Variants in CALD1 observed in about 807,000 individuals in gnomAD.
CALD1 encodes the protein caldesmon 1, also known as caldesmon.
In CALD1, 33 loss-of-function variants were observed where a neutral mutation model predicts 99.9. The ratio of observed to expected loss-of-function variants is 0.33; its 90% CI spans 0.25 to 0.44. The LOEUF (loss-of-function observed/expected upper bound fraction) is 0.44. Among genes scored for constraint, CALD1 ranks in the 20% least tolerant of loss-of-function variants. CALD1 has a pLI of 1.00. For synonymous variants in CALD1, 310 were observed against 325.0 expected (o/e 0.95, Z 0.50); for missense variants, 861 against 962.1 (o/e 0.89, Z 1.39).
chr7:134,928,428 CAAAAAAAAAAAAA>C (rs11355152), intron 3 of CALD1, among the ~76,000 whole-genome samples: 4 of 55,658 alleles, frequency 7.2e-5, no homozygotes, highest in African/African-American at 2.2e-4. Context: ...GACTGGGTCT[CAAAAAAAAAAAAA>C]AAAAAAAAAA....
chr7:134,771,259 C>T (rs1393080463), intron 1 of CALD1, among the ~76,000 whole-genome samples: 2 of 152,154 alleles, frequency 1.3e-5, no homozygotes, highest in African/African-American at 4.8e-5. Flanking sequence ...TTTCTGAACA[C>T]CAGATTTGCA....
intron 1 of CALD1, among the ~76,000 whole-genome samples, chr7:134,754,965 TTACTC>T (rs1335315845): frequency 2.6e-5 from 4 of 151,638 alleles, no homozygotes; most frequent in African/African-American, 4.8e-5. Context: ...CCATTTTACA[TTACTC>T]TACTCAACAC....
intron 2 of CALD1, among the ~76,000 whole-genome samples, chr7:134,845,785 A>G (rs1586092248): frequency 6.6e-6 from 1 of 152,208 alleles, no homozygotes; most frequent in Non-Finnish European, 1.5e-5. Flanking sequence ...GAAATTGTGT[A>G]TGGAAATTTT....
rs71172475 is a variant in CALD1, at chr7:134,766,141, C to CTT, written c.-130+21805_-130+21806dup. On this transcript the variant is annotated intron_variant, in intron 1 of 13. Coordinates refer to the CALD1 transcript ENST00000417172. ...GAGCCCCTTAAACCTCTTTTCTTTTCTTTTTTTTTTTTTTTTTTTTTTTTT... is the reference window on the plus strand; with the variant it reads ...GAGCCCCTTAAACCTCTTTTCTTTTCTTTTTTTTTTTTTTTTTTTTTTTTTTT... 7.7e-3 allele frequency among the ~76,000 whole-genome samples: 548 copies of CTT among 70,812 alleles called. 41 individuals are homozygous for CTT. The highest frequency in any genetic ancestry group is 0.018 in the African/African-American group (304 of 17,368). The allele number at this position is 70,812 out of a possible 152,430, so 46.5% of individuals were successfully genotyped here.
chr7:134,873,012 G>A (rs1358313972), intron 3 of CALD1, among the ~76,000 whole-genome samples: 1 of 151,882 alleles, frequency 6.6e-6, no homozygotes, highest in Non-Finnish European at 1.5e-5. Context: ...GTGAAACCCT[G>A]TCTCTACTAA....
At chr7:134,806,337 T>G (rs1430091580) in intron 1 of CALD1, among the ~76,000 whole-genome samples, 1 of 152,180 alleles carries the variant, frequency 6.6e-6, no homozygotes, top group East Asian at 1.9e-4. Context: ...TCCTCATTAG[T>G]AGGCTGTCAT....
rs773546022 is a variant in CALD1, at chr7:134,934,071, GA to G, written c.1305del (p.Lys435AsnfsTer65). On this transcript the variant is annotated frameshift_variant, in exon 5 of 15. Coordinates refer to ENST00000361675, the MANE Select transcript of CALD1 (RefSeq NM_033138.4). LOFTEE classifies it high-confidence loss of function. ...ATAAACTTCAGACAGCTGTCCTAAA[GA>G]AACAGGTACAGTAAACATTTTGCAC... ...EDKLQTAVLK[K>X]QGEEKGTKVQ... The G allele has an allele frequency of 6.2e-7, 1 of 1,606,976 alleles. No individual in the cohort carries two copies. Among genetic ancestry groups the G allele is most frequent in the Non-Finnish European group, 8.5e-7 (1 of 1,177,806 alleles).
chr7:134,779,726 C>T lies in CALD1; in HGVS notation c.-153C>T, dbSNP rs1183149107. 2.5e-6 allele frequency: 1 copy of T among 398,430 alleles called. No homozygotes were observed. The highest frequency in any genetic ancestry group is 4.4e-6 in the Non-Finnish European group (1 of 226,080). The allele number at this position is 398,430 out of a possible 1,614,324, so 24.7% of individuals were successfully genotyped here. On this transcript the variant is annotated 5_prime_UTR_variant, in exon 1 of 15. Transcript: ENST00000361675. ...AGTCCTTCCTTTCCGACTTAGTCCT[C>T]GGGAAGAAGTTTCAGACTACAAGGT... is the stretch of plus-strand genomic sequence containing the variant.
intron 11 of CALD1, among the ~76,000 whole-genome samples, chr7:134,958,950 G>A (rs2133237220): frequency 7.0e-6 from 1 of 141,892 alleles, no homozygotes; most frequent in Admixed American, 7.2e-5. Flanking sequence ...CAAGTATTCT[G>A]TCAAATCTGG....
At chr7:134,841,937 G>A (rs1472205985) in intron 1 of CALD1, among the ~76,000 whole-genome samples, 1 of 152,176 alleles carries the variant, frequency 6.6e-6, no homozygotes, top group Non-Finnish European at 1.5e-5. Context: ...ACATGGGGGG[G>A]CTTCTTCCTA....
At chr7:134,792,517 C>T (rs1426972097) in intron 1 of CALD1, among the ~76,000 whole-genome samples, 3 of 152,082 alleles carry the variant, frequency 2.0e-5, no homozygotes, top group Non-Finnish European at 2.9e-5. Context: ...GTCTCGAACT[C>T]CTGCTGTCAG....
intron 1 of CALD1, among the ~76,000 whole-genome samples, chr7:134,756,353 T>C (rs1278271220): frequency 1.5e-5 from 1 of 66,750 alleles, no homozygotes; most frequent in African/African-American, 1.3e-4. Flanking sequence ...CTCTATCATA[T>C]GGCATTTTTT....
In CALD1 at chr7:134,747,887, A is replaced by G. The variant is rs866131269; in HGVS notation, c.-130+3524A>G. Among the ~76,000 whole-genome samples, 9 of 152,228 alleles carry G rather than the reference A, an allele frequency of 5.9e-5. No homozygotes were observed. In the East Asian group the frequency reaches 1.2e-3, roughly 20 times the overall value. ...TGCGAGTGGGGACACCACAGAGACC[A>G]CAGACCAGTAGAGCCCCTAGCATGT... On this transcript the variant is annotated intron_variant, in intron 1 of 13. Transcript: ENST00000417172.
intron 3 of CALD1, among the ~76,000 whole-genome samples, chr7:134,918,005 C>T (rs1586300749): frequency 1.3e-5 from 2 of 152,130 alleles, no homozygotes; most frequent in East Asian, 1.9e-4. Context: ...ATGTTTGTAT[C>T]TGAGCAAGCT....
At chr7:134,908,398 T>C (rs1046808389) in intron 3 of CALD1, among the ~76,000 whole-genome samples, 2 of 152,212 alleles carry the variant, frequency 1.3e-5, no homozygotes, top group African/African-American at 4.8e-5. Flanking sequence ...GATGAGTTGC[T>C]CATCTATTTC....
chr7:134,869,021 T>C (rs1800938009), intron 3 of CALD1, among the ~76,000 whole-genome samples: 1 of 152,214 alleles, frequency 6.6e-6, no homozygotes, highest in Non-Finnish European at 1.5e-5. Flanking sequence ...AAATGATAGC[T>C]ATTATTATTA....
chr7:134,956,250 A>C (rs1807765999), intron 9 of CALD1, among the ~76,000 whole-genome samples: 2 of 152,174 alleles, frequency 1.3e-5, no homozygotes, highest in Admixed American at 1.3e-4. Flanking sequence ...CAAAAAAAAA[A>C]AACTCTGTGG....
At chr7:134,902,234 C>G (rs1803052634) in intron 3 of CALD1, among the ~76,000 whole-genome samples, 1 of 152,040 alleles carries the variant, frequency 6.6e-6, no homozygotes, top group African/African-American at 2.4e-5. Context: ...CTTTTTAACC[C>G]CACTGAGTGA....
chr7:134,777,961 A>ATTT (rs1477362687), upstream of CALD1, among the ~76,000 whole-genome samples: 1 of 152,244 alleles, frequency 6.6e-6, no homozygotes, highest in African/African-American at 2.4e-5. Flanking sequence ...TTTTATAAAC[A>ATTT]GTGGTGTTCC....
Sources: allele counts gnomAD v4.1 joint callset (sites outside exome capture counted in the v4.1 genomes callset), GRCh38; gene constraint gnomAD v4.1.1; transcripts MANE v1.5; gene names NCBI Gene and HGNC (gene_info 2026-07-23, HGNC 2026-07-21).